Variants in BARHL2 observed in about 807,000 individuals in gnomAD.
The protein encoded by BARHL2 is BarH like homeobox 2.
In BARHL2, 10 loss-of-function variants were observed where a neutral mutation model predicts 27.1. The observed-to-expected ratio is 0.37, with a 90% CI of 0.23 to 0.63. BARHL2 has a LOEUF of 0.63. Among genes scored for constraint, BARHL2 ranks in the 20% least tolerant of loss-of-function variants. The pLI, the probability that BARHL2 is intolerant of heterozygous loss-of-function variation, is 0.65. For missense variants in BARHL2, 483 were observed against 533.5 expected, an observed-to-expected ratio of 0.91 and a Z score of 0.93; for synonymous variants, 248 against 224.7, an observed-to-expected ratio of 1.10 and a Z score of -0.93.
In BARHL2 at chr1:90,716,936, T is replaced by C. The variant is rs756187036; in HGVS notation, c.260A>G (p.His87Arg). Reference protein sequence around the residue: ...LVADATQHHHHLHHSQQPPPP... With the variant: ...LVADATQHHHRLHHSQQPPPP... ...CGGCGGCTGCTGGCTGTGGTGGAGG[T>C]GGTGATGATGCTGGGTCGCGTCTGC... Residue 87 changes from histidine to arginine, a missense_variant, in exon 1 of 3, where the codon CAC (histidine) becomes CGC (arginine). This residue lies in a region of BARHL2 where 304 missense variants were observed against 284.9 expected (regional missense o/e 1.07). Transcript: ENST00000370445. 1 of 1,607,226 alleles carries C rather than the reference T, an allele frequency of 6.2e-7. No homozygotes were observed. Among genetic ancestry groups the C allele is most frequent in the African/African-American group, 1.4e-5 (1 of 73,878 alleles).
In BARHL2 at chr1:90,712,370, C is replaced by T. The variant is rs774281512; in HGVS notation, c.1106G>A (p.Gly369Glu). ...GGACAATGGATTAAGGGCTGGCTGTCCCCCAGGCCCTAGGCCGTGGATGAG... is the reference window on the plus strand; with the variant it reads ...GGACAATGGATTAAGGGCTGGCTGTTCCCCAGGCCCTAGGCCGTGGATGAG... ...RVLIHGLGPGGQPALNPLSSP... is the reference protein window; with the variant it reads ...RVLIHGLGPGEQPALNPLSSP... Residue 369 changes from glycine to glutamate, a missense_variant, in exon 3 of 3, where the codon GGA (glycine) becomes GAA (glutamate). This residue lies in a region of BARHL2 where 130 missense variants were observed against 138.0 expected (regional missense o/e 0.94). Coordinates refer to ENST00000370445, the MANE Select transcript of BARHL2 (RefSeq NM_020063.2). 8 of 1,556,548 alleles carry T rather than the reference C, an allele frequency of 5.1e-6. No individual in the cohort carries two copies. In the African/African-American group the frequency reaches 5.4e-5, roughly 11 times the overall value.
rs35625130 is a variant in BARHL2 at position 90,715,170 on chromosome 1, CTTT to C, written c.626-417_626-415del. On this transcript the variant is annotated intron_variant, in intron 1 of 2. Coordinates refer to ENST00000370445, the MANE Select transcript of BARHL2 (RefSeq NM_020063.2). ...TGATTTTTCAAAGGGTCCCTCTACT[CTTT>C]TTTTTTTTTTTTTTTTTTTGAGGAG... 8.8e-3 allele frequency among the ~76,000 whole-genome samples: 586 copies of C among 66,314 alleles called. 6 individuals are homozygous for C. Among genetic ancestry groups the C allele is most frequent in the East Asian group, 0.052 (111 of 2,132 alleles). 43.5% of individuals were successfully genotyped at this position (66,314 alleles called of 152,430 possible). A position where few individuals can be genotyped will look rare whatever the true frequency, so the allele number is the denominator to read the frequency against.
Position 90,716,729 on chromosome 1 carries a change from G to C in BARHL2, c.467C>G (p.Ala156Gly). 1 of 1,605,474 alleles carries C rather than the reference G, an allele frequency of 6.2e-7. No individual in the cohort carries two copies. Among genetic ancestry groups the C allele is most frequent in the Non-Finnish European group, 8.5e-7 (1 of 1,175,622 alleles). Residue 156 changes from alanine to glycine, a missense_variant, in exon 1 of 3, where the codon GCA becomes GGA. By Grantham distance (60) the Ala-to-Gly change is moderately conservative. Around this residue, in one of 3 missense-constraint regions of BARHL2, gnomAD observed 304 missense variants for 284.9 expected, o/e 1.07. Coordinates refer to ENST00000370445, the MANE Select transcript of BARHL2 (RefSeq NM_020063.2). ...DILGDSKPLAACAPYSTSVSS... is the reference protein window; with the variant it reads ...DILGDSKPLAGCAPYSTSVSS... The stretch of plus-strand genomic sequence containing the variant: ...TACGCTGGTGCTGTAGGGTGCACAT[G>C]CCGCCAGAGGTTTGCTGTCGCCCAA...
At position 90,712,291 on chromosome 1, in the gene BARHL2, A is replaced by G. The variant is rs1658048662; in HGVS notation, c.*21T>C. On this transcript the variant is annotated 3_prime_UTR_variant, in exon 3 of 3. Transcript: ENST00000370445. ...GGCAGGGATATGGGGAAGGGATTGCAGTGCCTTCGCTGCAATGTTTTCACC... is the reference window on the plus strand; with the variant it reads ...GGCAGGGATATGGGGAAGGGATTGCGGTGCCTTCGCTGCAATGTTTTCACC... The G allele has an allele frequency of 2.8e-6, 4 of 1,443,908 alleles. No individual in the cohort carries two copies. Among genetic ancestry groups the G allele is most frequent in the Non-Finnish European group, 3.6e-6 (4 of 1,096,746 alleles). 89.4% of individuals were successfully genotyped at this position (1,443,908 alleles called of 1,614,324 possible). A position where few individuals can be genotyped will look rare whatever the true frequency, so the allele number is the denominator to read the frequency against.
Position 90,712,308 on chromosome 1 carries a change from G to A in BARHL2, c.*4C>T, listed in dbSNP as rs1454387259. On this transcript the variant is annotated 3_prime_UTR_variant, in exon 3 of 3. Transcript: ENST00000370445. ...GGGATTGCAGTGCCTTCGCTGCAAT[G>A]TTTTCACCGGGGGTGTGGGGTGCCT... is the stretch of plus-strand genomic sequence containing the variant. 1.4e-6 allele frequency: 2 copies of A among 1,454,418 alleles called. No individual in the cohort carries two copies. Among genetic ancestry groups the A allele is most frequent in the African/African-American group, 1.4e-5 (1 of 70,320 alleles). The allele number at this position is 1,454,418 out of a possible 1,614,324, so 90.1% of individuals were successfully genotyped here. A position where few individuals can be genotyped will look rare whatever the true frequency, so the allele number is the denominator to read the frequency against.
Position 90,717,007 on chromosome 1 carries a change from A to C in BARHL2, c.189T>G (p.Ser63=). ...GCTCCATGGTGACTGAGATAGGAGA[A>C]GAAGGCGCCGTCCCTACGGTATCAA... ...SEIDTVGTAP[S]SPISVTMEPP... The change falls in exon 1 of 3, where the codon TCT becomes TCG. Residue 63 remains serine (S), a synonymous_variant. Coordinates refer to ENST00000370445, the MANE Select transcript of BARHL2 (RefSeq NM_020063.2). The C allele has an allele frequency of 6.2e-7, 1 of 1,613,860 alleles. No homozygotes were observed. Among genetic ancestry groups the C allele is most frequent in the Non-Finnish European group, 8.5e-7 (1 of 1,179,926 alleles).
Position 90,712,157 on chromosome 1 carries a change from C to A in BARHL2, c.*155G>T. 1.2e-6 allele frequency: 1 copy of A among 800,322 alleles called. No homozygotes were observed. The highest frequency in any genetic ancestry group is 1.8e-6 in the Non-Finnish European group (1 of 560,278). 49.6% of individuals were successfully genotyped at this position (800,322 alleles called of 1,614,324 possible). On this transcript the variant is annotated 3_prime_UTR_variant, in exon 3 of 3. Transcript: ENST00000370445. ...GGGCTGGCTCCTCTTTGGGGGTCCCCTGCCCACTGGTAAGCATCTTCCTCT... is the reference window on the plus strand; with the variant it reads ...GGGCTGGCTCCTCTTTGGGGGTCCCATGCCCACTGGTAAGCATCTTCCTCT...
intron 2 of BARHL2, 75 bp downstream of exon 2, chr1:90,714,456 G>A (rs1658102011): frequency 4.3e-6 from 6 of 1,405,936 alleles, no homozygotes; most frequent in East Asian, 2.3e-5. Flanking sequence ...TGGAGGCCAG[G>A]AGGGAAGAAG....
intron 1 of BARHL2, among the ~76,000 whole-genome samples, chr1:90,716,111 T>G: frequency 1.2e-5 from 1 of 81,980 alleles, no homozygotes; most frequent in African/African-American, 4.3e-5. Context: ...GTTAAGAAAA[T>G]AAAGTGGGGG....
chr1:90,714,471 G>A, intron 2 of BARHL2, 60 bp downstream of exon 2: 1 of 1,478,740 alleles, frequency 6.8e-7, no homozygotes, highest in Non-Finnish European at 9.5e-7. Flanking sequence ...AAGAAGATTG[G>A]TATAATGATC....
At chr1:90,713,037 A>G (rs1042152211) in intron 2 of BARHL2, among the ~76,000 whole-genome samples, 6 of 151,990 alleles carry the variant, frequency 3.9e-5, no homozygotes, top group Non-Finnish European at 8.8e-5. Flanking sequence ...CAACAATCCC[A>G]AAGAGTCTGC....
At chr1:90,713,636 T>C (rs1261380792) in intron 2 of BARHL2, among the ~76,000 whole-genome samples, 3 of 152,174 alleles carry the variant, frequency 2.0e-5, no homozygotes, top group African/African-American at 4.8e-5. Context: ...ACCGCACTTA[T>C]GGACGATTAG....
chr1:90,712,021 A>T lies in BARHL2; in HGVS notation c.*291T>A, dbSNP rs1658042116. 1.7e-5 allele frequency: 4 copies of T among 236,838 alleles called. No individual in the cohort carries two copies. Among genetic ancestry groups the T allele is most frequent in the Admixed American group, 6.0e-5 (1 of 16,540 alleles). The allele number at this position is 236,838 out of a possible 1,614,324, so 14.7% of individuals were successfully genotyped here. A position where few individuals can be genotyped will look rare whatever the true frequency, so the allele number is the denominator to read the frequency against. The stretch of plus-strand genomic sequence containing the variant: ...AGAATTTGAGGTTTTGTTTTTGTTG[A>T]TGTTTTCACTTACTGGTTGCACTCT... On this transcript the variant is annotated 3_prime_UTR_variant, in exon 3 of 3. Transcript: ENST00000370445.
rs780014983 is a variant in BARHL2, at chr1:90,712,494, T to C, written c.982A>G (p.Thr328Ala). The C allele has an allele frequency of 6.2e-7, 1 of 1,613,942 alleles. No individual in the cohort carries two copies. Residue 328 changes from threonine (T) to alanine (A), a missense_variant, in exon 3 of 3, where the codon ACT (threonine) becomes GCT (alanine). Thr to Ala is a moderately conservative substitution (Grantham distance 58, BLOSUM62 0). Transcript: ENST00000370445. ...HPSLLGSMDS[T>A]TAAAAAAAMY... ...GCAGCGGCAGCCGCCGCCGCCGTAG[T>C]GCTGTCCATGCTGCCCAGCAGGCTT...
In BARHL2 at chr1:90,717,241, A is replaced by C; in HGVS notation, c.-46T>G. On this transcript the variant is annotated 5_prime_UTR_variant, in exon 1 of 3. Coordinates refer to ENST00000370445, the MANE Select transcript of BARHL2 (RefSeq NM_020063.2). ...ACTCCGCCGTTCAGCAGCCGCCCCG[A>C]ACCAGCGAAGAAAGCTATCGATCGT... 2.5e-6 allele frequency: 4 copies of C among 1,578,012 alleles called. No individual in the cohort carries two copies. Among genetic ancestry groups the C allele is most frequent in the Non-Finnish European group, 3.4e-6 (4 of 1,169,366 alleles).
chr1:90,716,944 A>T lies in BARHL2; in HGVS notation c.252T>A (p.His84Gln). Reference protein sequence around the residue: ...EPHLVADATQHHHHLHHSQQP... With the variant: ...EPHLVADATQQHHHLHHSQQP... The stretch of plus-strand genomic sequence containing the variant: ...GCTGGCTGTGGTGGAGGTGGTGATG[A>T]TGCTGGGTCGCGTCTGCTACCAGAT... The change falls in exon 1 of 3, where the codon CAT (histidine) becomes CAA (glutamine). Residue 84 changes from histidine to glutamine, a missense_variant. Around this residue, in one of 3 missense-constraint regions of BARHL2, gnomAD observed 304 missense variants for 284.9 expected, o/e 1.07. Transcript: ENST00000370445. 6.2e-7 allele frequency: 1 copy of T among 1,612,836 alleles called. No individual in the cohort carries two copies. The highest frequency in any genetic ancestry group is 8.5e-7 in the Non-Finnish European group (1 of 1,179,624).
chr1:90,717,290 T>G lies in BARHL2; in HGVS notation c.-95A>C. The G allele has an allele frequency of 6.7e-7, 1 of 1,498,058 alleles. No individual in the cohort carries two copies. Among genetic ancestry groups the G allele is most frequent in the Non-Finnish European group, 8.8e-7 (1 of 1,137,642 alleles). 92.8% of individuals were successfully genotyped at this position (1,498,058 alleles called of 1,614,324 possible). On this transcript the variant is annotated 5_prime_UTR_variant, in exon 1 of 3. Coordinates refer to ENST00000370445, the MANE Select transcript of BARHL2 (RefSeq NM_020063.2). The stretch of plus-strand genomic sequence containing the variant: ...GTAAAACAAAATAAACACCAAACAA[T>G]GTTGCCGCCGCTTAAAAAAAAAAAA...
chr1:90,714,061 A>G (rs111720248), intron 2 of BARHL2, among the ~76,000 whole-genome samples: 64 of 152,304 alleles, frequency 4.2e-4, no homozygotes, highest in African/African-American at 1.4e-3. Flanking sequence ...CAAAGCAAGG[A>G]CATTTACGCC....
In BARHL2 at chr1:90,712,181, C is replaced by G; in HGVS notation, c.*131G>C. 7.7e-6 allele frequency: 8 copies of G among 1,037,144 alleles called. 1 individual carries two copies. The South Asian group carries it at 1.9e-4, about 24-fold the overall frequency. 64.2% of individuals were successfully genotyped at this position (1,037,144 alleles called of 1,614,324 possible). On this transcript the variant is annotated 3_prime_UTR_variant, in exon 3 of 3. Transcript: ENST00000370445. The stretch of plus-strand genomic sequence containing the variant: ...CCTGCCCACTGGTAAGCATCTTCCT[C>G]TCTTACTCCTCTGCCTTCCAGAGTT...
Sources: gnomAD v4.1 joint callset for allele counts (sites outside exome capture counted in the v4.1 genomes callset) on GRCh38, gnomAD v4.1.1 for gene constraint, gnomAD v4.1.1 regional missense constraint, MANE v1.5 for transcripts, NCBI Gene and HGNC (gene_info 2026-07-23, HGNC 2026-07-21) for gene names.